Variants in LIPM observed in about 807,000 individuals in gnomAD.
The protein encoded by LIPM is lipase family member M.
Under a neutral mutation model 42.4 loss-of-function variants are expected in LIPM, and 42 were observed. That is an observed-to-expected ratio of 0.99 (90% CI 0.77 to 1.28). The LOEUF (loss-of-function observed/expected upper bound fraction) is 1.28. Ranked by LOEUF, LIPM falls within the 50% of genes most tolerant of loss-of-function variation. The pLI is 0.00. For missense variants in LIPM, 524 were observed against 520.1 expected, an observed-to-expected ratio of 1.01 and a Z score of -0.07; for synonymous variants, 177 against 173.3, an observed-to-expected ratio of 1.02 and a Z score of -0.17.
chr10:88,803,143 A>G (rs2133048302), intron 1 of LIPM, 100 bp downstream of exon 1: 1 of 1,282,810 alleles, frequency 7.8e-7, no homozygotes. Flanking sequence ...GTGGTGATTC[A>G]TACTAGAAGA....
At chr10:88,805,035 T>A (rs182890191) in intron 1 of LIPM, among the ~76,000 whole-genome samples, 1 of 152,224 alleles carries the variant, frequency 6.6e-6, no homozygotes, top group South Asian at 2.1e-4. Context: ...TTCATGCATA[T>A]GGATTATGGT....
At chr10:88,806,934 C>A (rs548790027) in intron 1 of LIPM, among the ~76,000 whole-genome samples, 305 of 152,200 alleles carry the variant, frequency 2.0e-3, no homozygotes, top group Non-Finnish European at 3.3e-3. Context: ...TGTGATCCAC[C>A]CACCTCAACC....
intron 8 of LIPM, among the ~76,000 whole-genome samples, chr10:88,819,552 T>C (rs1320698791): frequency 6.6e-6 from 1 of 152,194 alleles, no homozygotes; most frequent in Non-Finnish European, 1.5e-5. Context: ...CTGATTAATC[T>C]CAAGGGCTCA....
At chr10:88,815,036 A>C in intron 4 of LIPM, 52 bp from the exon 5 acceptor site, 1 of 1,474,678 alleles carries the variant, frequency 6.8e-7, no homozygotes, top group South Asian at 1.3e-5. Context: ...TATACATTTT[A>C]TGAGTTCTAA....
At chr10:88,807,326 C>A (rs1052187734) in intron 1 of LIPM, among the ~76,000 whole-genome samples, 4 of 152,150 alleles carry the variant, frequency 2.6e-5, no homozygotes, top group Non-Finnish European at 5.9e-5. Flanking sequence ...AACAGTGGGA[C>A]CCAGGAGCTT....
At chr10:88,806,978 T>C (rs892584220) in intron 1 of LIPM, among the ~76,000 whole-genome samples, 1 of 151,914 alleles carries the variant, frequency 6.6e-6, no homozygotes, top group Non-Finnish European at 1.5e-5. Flanking sequence ...TGTGAGCCAC[T>C]GTGCCCGGCC....
Position 88,817,015 on chromosome 10 carries a change from C to T in LIPM, c.930+128C>T, listed in dbSNP as rs1490884293. On this transcript the variant is annotated intron_variant, in intron 7 of 8. Transcript: ENST00000404743. The stretch of plus-strand genomic sequence containing the variant: ...ATTCTAAGATGAAATGCAGTATCGT[C>T]GATGCTATTTTGATGGAGAATTTGA... The T allele has an allele frequency of 8.2e-5, 59 of 718,782 alleles. 1 individual carries two copies. The East Asian group carries it at 1.3e-3, about 16-fold the overall frequency. The allele number at this position is 718,782 out of a possible 1,614,324, so 44.5% of individuals were successfully genotyped here. A position where few individuals can be genotyped will look rare whatever the true frequency, so the allele number is the denominator to read the frequency against.
intron 8 of LIPM, among the ~76,000 whole-genome samples, chr10:88,819,196 T>C (rs1843756157): frequency 6.6e-6 from 1 of 152,102 alleles, no homozygotes; most frequent in African/African-American, 2.4e-5. Context: ...GGCCCTAAGA[T>C]GGCTTTAATT....
intron 2 of LIPM, among the ~76,000 whole-genome samples, chr10:88,810,055 T>C (rs1352091140): frequency 1.3e-5 from 2 of 152,156 alleles, no homozygotes; most frequent in African/African-American, 4.8e-5. Context: ...ATAATAGATA[T>C]TTGCATGTTT....
At chr10:88,812,520 ATTAT>A (rs1564597062) in intron 2 of LIPM, among the ~76,000 whole-genome samples, 2 of 152,120 alleles carry the variant, frequency 1.3e-5, no homozygotes, top group Non-Finnish European at 2.9e-5. Flanking sequence ...TTTCCTTCCA[ATTAT>A]TTATTTGTTC....
At chr10:88,810,206 T>C (rs1315747019) in intron 2 of LIPM, among the ~76,000 whole-genome samples, 1 of 152,214 alleles carries the variant, frequency 6.6e-6, no homozygotes, top group Non-Finnish European at 1.5e-5. Flanking sequence ...GGATGAATTA[T>C]AGATTTTGTA....
chr10:88,807,662 T>G (rs1460716003), intron 1 of LIPM, among the ~76,000 whole-genome samples: 1 of 152,200 alleles, frequency 6.6e-6, no homozygotes, highest in East Asian at 1.9e-4. Flanking sequence ...TTTATAGTTC[T>G]CCTCAAATTC....
intron 2 of LIPM, 22 bp downstream of exon 2, chr10:88,808,437 C>A: frequency 7.7e-7 from 1 of 1,298,484 alleles, no homozygotes. Flanking sequence ...CCCATGTCAC[C>A]GCAACACAGC....
intron 1 of LIPM, among the ~76,000 whole-genome samples, chr10:88,807,559 T>C (rs1047534580): frequency 5.3e-5 from 8 of 152,218 alleles, no homozygotes; most frequent in Non-Finnish European, 1.2e-4. Context: ...GAGTAAGGAT[T>C]CTTAACCAGG....
At chr10:88,809,137 T>G (rs1481217639) in intron 2 of LIPM, among the ~76,000 whole-genome samples, 1 of 151,872 alleles carries the variant, frequency 6.6e-6, no homozygotes, top group East Asian at 1.9e-4. Flanking sequence ...GTATTTTTGG[T>G]AGAGACAGAG....
intron 1 of LIPM, among the ~76,000 whole-genome samples, chr10:88,807,525 A>C (rs1301755390): frequency 6.6e-6 from 1 of 152,216 alleles, no homozygotes; most frequent in East Asian, 1.9e-4. Context: ...TTTCCAGAGA[A>C]TGTCTACATG....
intron 2 of LIPM, among the ~76,000 whole-genome samples, chr10:88,809,191 G>A (rs947201404): frequency 4.6e-5 from 7 of 152,018 alleles, no homozygotes; most frequent in African/African-American, 1.7e-4. Context: ...CCGACCTCAG[G>A]TGATCCACCC....
In LIPM at chr10:88,815,217, T is replaced by G; in HGVS notation, c.704T>G (p.Met235Arg). The change falls in exon 5 of 9, where the codon ATG (methionine) becomes AGG (arginine). Residue 235 changes from methionine (M) to arginine (R), a missense_variant. Physicochemically the swap from Met to Arg is moderately conservative, Grantham distance 91. Transcript: ENST00000404743. ...AAATTTTTGTTGCTGCCAGATATGATGATCAAGGTATGAGACTCCTCAGAA... is the reference window on the plus strand; with the variant it reads ...AAATTTTTGTTGCTGCCAGATATGAGGATCAAGGTATGAGACTCCTCAGAA... ...GTKFLLLPDM[M>R]IKGLFGKKEF... 1 of 1,551,882 alleles carries G rather than the reference T, an allele frequency of 6.4e-7. No individual in the cohort carries two copies. The highest frequency in any genetic ancestry group is 1.4e-5 in the African/African-American group (1 of 73,138).
In LIPM at chr10:88,815,157, T is replaced by C; in HGVS notation, c.644T>C (p.Ile215Thr). Residue 215 changes from isoleucine to threonine, a missense_variant, in exon 5 of 9, where the codon ATA (isoleucine) becomes ACA (threonine). Transcript: ENST00000404743. ...AAAATGTATTTTGCTTTAGCACCCA[T>C]AGCCACTGTTAAGCATGCAAAAAGC... ...KIKMYFALAP[I>T]ATVKHAKSPG... 3 of 1,551,904 alleles carry C rather than the reference T, an allele frequency of 1.9e-6. No individual in the cohort carries two copies. Among genetic ancestry groups the C allele is most frequent in the Non-Finnish European group, 2.6e-6 (3 of 1,147,000 alleles).
Sources: allele counts gnomAD v4.1 joint callset (sites outside exome capture counted in the v4.1 genomes callset), GRCh38; gene constraint gnomAD v4.1.1; transcripts MANE v1.5; gene names NCBI Gene and HGNC (gene_info 2026-07-23, HGNC 2026-07-21).